The following CEP164 variants were observed in gnomAD, a reference collection of about 807,000 sequenced individuals.
CEP164 encodes the protein centrosomal protein 164.
In CEP164, 162 loss-of-function variants were observed where a neutral mutation model predicts 182.7. That is an observed-to-expected ratio of 0.89 (90% CI 0.78 to 1.01). The LOEUF (loss-of-function observed/expected upper bound fraction) is 1.01, where lower values mean the gene tolerates loss of function less well. Among genes scored for constraint, CEP164 ranks in the 50% least tolerant of loss-of-function variants. The pLI, the probability that CEP164 is intolerant of heterozygous loss-of-function variation, is 0.00. For missense variants in CEP164, 1,735 were observed against 1,790.4 expected (o/e 0.97, Z 0.56); for synonymous variants, 661 against 690.0 (o/e 0.96, Z 0.66).
rs182661001 is a variant in CEP164, at chr11:117,393,865, G to A, written c.2617-485G>A. 2.6e-5 allele frequency among the ~76,000 whole-genome samples: 4 copies of A among 152,326 alleles called. No individual in the cohort carries two copies. The East Asian group carries it at 7.7e-4, about 29-fold the overall frequency. On this transcript the variant is annotated intron_variant, in intron 20 of 32. Transcript: ENST00000278935. ...GGTGAACAATGGGTGGGTAGAGGGT[G>A]GCTGACTATAGCCCACAGCTGGGAC...
intron 3 of CEP164, among the ~76,000 whole-genome samples, chr11:117,340,554 A>G (rs1392351663): frequency 4.6e-5 from 7 of 152,002 alleles, no homozygotes; most frequent in African/African-American, 1.7e-4. Flanking sequence ...TTTTGTTTTT[A>G]GAGACAGTCT....
intron 2 of CEP164, among the ~76,000 whole-genome samples, chr11:117,336,819 C>G (rs1388411000): frequency 6.6e-6 from 1 of 151,946 alleles, no homozygotes; most frequent in Non-Finnish European, 1.5e-5. Context: ...GCTCCAGACT[C>G]CTGTTGGTCA....
At position 117,380,281 on chromosome 11, in the gene CEP164, G is replaced by T. The variant is rs558009777; in HGVS notation, c.1318-333G>T. 3.0e-4 allele frequency among the ~76,000 whole-genome samples: 45 copies of T among 152,274 alleles called. 3 individuals are homozygous for T. Among genetic ancestry groups the T allele is most frequent in the African/African-American group, 1.1e-3 (45 of 41,558 alleles). ...CTCTGCTTTCTCTGCACAGCTCACA[G>T]TGCAGGCTTCCAGCAGCAGGAGGCA... On this transcript the variant is annotated intron_variant, in intron 11 of 32. Coordinates refer to ENST00000278935, the MANE Select transcript of CEP164 (RefSeq NM_014956.5).
At chr11:117,400,224 A>G (rs2045976205) in intron 27 of CEP164, among the ~76,000 whole-genome samples, 1 of 152,240 alleles carries the variant, frequency 6.6e-6, no homozygotes, top group African/African-American at 2.4e-5. Flanking sequence ...TTTTCACAAC[A>G]TCATTTATTA....
At chr11:117,408,606 C>G in intron 28 of CEP164, 1 of 423,996 alleles carries the variant, frequency 2.4e-6, no homozygotes, top group East Asian at 4.4e-5. Flanking sequence ...GCCCAGGGTA[C>G]CTGGTGGAAC....
intron 27 of CEP164, among the ~76,000 whole-genome samples, chr11:117,401,207 A>T (rs948065458): frequency 1.3e-5 from 2 of 152,166 alleles, no homozygotes; most frequent in African/African-American, 4.8e-5. Context: ...GGGGTGTCAA[A>T]TTTTATCGAA....
intron 17 of CEP164, among the ~76,000 whole-genome samples, chr11:117,391,909 C>A (rs945798548): frequency 6.6e-6 from 1 of 152,156 alleles, no homozygotes; most frequent in Non-Finnish European, 1.5e-5. Flanking sequence ...CCAACCTGGC[C>A]CCCCTGGCTT....
chr11:117,337,077 T>C (rs2037265952), intron 2 of CEP164, among the ~76,000 whole-genome samples: 1 of 152,132 alleles, frequency 6.6e-6, no homozygotes, highest in Non-Finnish European at 1.5e-5. Context: ...GGATTCAAGC[T>C]GGACTTCTGT....
At chr11:117,407,829 A>C in intron 27 of CEP164, 96 bp from the exon 28 acceptor site, 3 of 769,818 alleles carry the variant, frequency 3.9e-6, no homozygotes, top group Non-Finnish European at 6.5e-6. Context: ...AGACTATAGT[A>C]ATTTGTTCAA....
chr11:117,340,832 T>C (rs900430198), intron 3 of CEP164, among the ~76,000 whole-genome samples: 1 of 149,964 alleles, frequency 6.7e-6, no homozygotes, highest in African/African-American at 2.5e-5. Context: ...CCTCTTTCTT[T>C]CTTTCCTACT....
At chr11:117,342,444 G>C (rs493516) in intron 3 of CEP164, among the ~76,000 whole-genome samples, 21 of 152,020 alleles carry the variant, frequency 1.4e-4, no homozygotes, top group African/African-American at 4.8e-4. Context: ...ATGTTCCAAC[G>C]GTTATGTCAT....
At chr11:117,392,137 G>C (rs2044731337) in intron 17 of CEP164, 89 bp from the exon 18 acceptor site, 22 of 1,173,868 alleles carry the variant, frequency 1.9e-5, no homozygotes, top group Non-Finnish European at 2.6e-5. Flanking sequence ...GATCTCGAGG[G>C]CTTGGGGGTC....
chr11:117,369,169 G>A (rs1442937980), intron 8 of CEP164, among the ~76,000 whole-genome samples: 5 of 152,228 alleles, frequency 3.3e-5, no homozygotes, highest in Non-Finnish European at 7.3e-5. Flanking sequence ...GAATGAATGT[G>A]TAAGTCTCAT....
At chr11:117,331,037 C>G (rs956976840) in intron 1 of CEP164, among the ~76,000 whole-genome samples, 1 of 152,198 alleles carries the variant, frequency 6.6e-6, no homozygotes. Context: ...TCCAGTCAAT[C>G]TTTTCTGTGG....
intron 13 of CEP164, 130 bp downstream of exon 13, chr11:117,381,998 G>A (rs988065314): frequency 3.2e-5 from 25 of 776,976 alleles, no homozygotes; most frequent in South Asian, 2.2e-4. Flanking sequence ...GAGCTGGGGC[G>A]GGTTTGTAGC....
chr11:117,371,616 C>A, intron 9 of CEP164, 150 bp downstream of exon 9: 2 of 981,418 alleles, frequency 2.0e-6, no homozygotes, highest in Non-Finnish European at 2.9e-6. Flanking sequence ...TCAGCCAGAG[C>A]CCTTAATTGT....
chr11:117,381,886 C>A lies in CEP164; in HGVS notation c.1577+18C>A. The A allele has an allele frequency of 6.9e-7, 1 of 1,457,204 alleles. No individual in the cohort carries two copies. The highest frequency in any genetic ancestry group is 9.1e-7 in the Non-Finnish European group (1 of 1,100,348). The allele number at this position is 1,457,204 out of a possible 1,614,324, so 90.3% of individuals were successfully genotyped here. On this transcript the variant is annotated intron_variant, in intron 13 of 32. Transcript: ENST00000278935. ...CTCCAGAGGTAAGGATGAGGGGAAGCATCCTCATGAGGATGAGGGCTGGTG... is the reference window on the plus strand; with the variant it reads ...CTCCAGAGGTAAGGATGAGGGGAAGAATCCTCATGAGGATGAGGGCTGGTG...
At chr11:117,391,296 A>C (rs1226787410) in intron 17 of CEP164, 81 bp downstream of exon 17, 11 of 1,382,996 alleles carry the variant, frequency 8.0e-6, no homozygotes, top group Non-Finnish European at 2.0e-6. Flanking sequence ...AAGGAGAAGA[A>C]GGGCAAGTCT....
chr11:117,411,542 CG>C lies in CEP164; in HGVS notation c.4164-251del. 2.3e-6 allele frequency: 1 copy of C among 438,526 alleles called. No individual in the cohort carries two copies. The highest frequency in any genetic ancestry group is 4.2e-6 in the Non-Finnish European group (1 of 239,568). The allele number at this position is 438,526 out of a possible 1,614,324, so 27.2% of individuals were successfully genotyped here. On this transcript the variant is annotated intron_variant, in intron 31 of 32. Coordinates refer to ENST00000278935, the MANE Select transcript of CEP164 (RefSeq NM_014956.5). The surrounding 1 kb of genome is among the most constrained non-coding windows in gnomAD (Gnocchi z 4.4). ...TGCTGATGAGATTGGCGGGAGCAGG[CG>C]GATGTGGGAGCCCAGAGCCTTGTAT... is the stretch of plus-strand genomic sequence containing the variant.
Sources: allele counts gnomAD v4.1 joint callset (sites outside exome capture counted in the v4.1 genomes callset), GRCh38; gene constraint gnomAD v4.1.1; non-coding constraint Gnocchi (gnomAD v3.1); transcripts MANE v1.5; gene names NCBI Gene and HGNC (gene_info 2026-07-23, HGNC 2026-07-21).